TRIT1: variants seen among roughly 807,000 people sequenced by gnomAD.
TRIT1 encodes tRNA dimethylallyltransferase.
Under a neutral mutation model 51.2 loss-of-function variants are expected in TRIT1, and 43 were observed. The ratio of observed to expected loss-of-function variants is 0.84; its 90% CI spans 0.66 to 1.08. The LOEUF (loss-of-function observed/expected upper bound fraction) is 1.08, where lower values mean the gene tolerates loss of function less well. Among genes scored for constraint, TRIT1 ranks in the 50% least tolerant of loss-of-function variants. The probability of loss-of-function intolerance (pLI) is 0.00; values close to 1 mark genes in which losing one functional copy is unlikely to be tolerated. For missense variants in TRIT1, 528 were observed against 578.4 expected, an observed-to-expected ratio of 0.91 and a Z score of 0.89; for synonymous variants, 184 against 203.9, an observed-to-expected ratio of 0.90 and a Z score of 0.83.
intron 1 of TRIT1, among the ~76,000 whole-genome samples, chr1:39,859,677 C>G (rs897398211): frequency 1.3e-5 from 2 of 152,010 alleles, no homozygotes; most frequent in Non-Finnish European, 2.9e-5. Flanking sequence ...CTTTTTCTCA[C>G]AGCCCTTGGT....
rs202197910 is a variant in TRIT1, at chr1:39,883,485, A to T, written c.7T>A (p.Ser3Thr). 1 of 1,595,600 alleles carries T rather than the reference A, an allele frequency of 6.3e-7. No homozygotes were observed. MA[S>T]VAAARAVPVG... ...GGAACTGCTCGTGCAGCCGCCACGG[A>T]CGCCATCTTATGGCAGTCTGCGCTT... The change falls in exon 1 of 11, where the codon TCC (serine) becomes ACC (threonine). Residue 3 changes from serine to threonine, a missense_variant. By Grantham distance (58) the Ser-to-Thr change is moderately conservative (BLOSUM62 1). This residue lies in a region of TRIT1 where 55 missense variants were observed against 37.0 expected (regional missense o/e 1.49). Transcript: ENST00000316891.
At chr1:39,881,776 C>T (rs1644273720) in intron 1 of TRIT1, 1 of 152,190 alleles carries the variant, frequency 6.6e-6, no homozygotes, top group Admixed American at 6.5e-5. Flanking sequence ...CATACTAAGC[C>T]AGCCTTCGAT....
intron 1 of TRIT1, among the ~76,000 whole-genome samples, chr1:39,880,329 A>C (rs7523024): frequency 0.45 from 67,696 of 149,380 alleles, 15,876 homozygotes; most frequent in East Asian, 0.59. Context: ...CAATGCTTTG[A>C]AAATTTGAGT....
In TRIT1 at chr1:39,841,674, G is replaced by T; in HGVS notation, c.*70C>A. 6.7e-7 allele frequency: 1 copy of T among 1,483,470 alleles called. No homozygotes were observed. Among genetic ancestry groups the T allele is most frequent in the South Asian group, 1.4e-5 (1 of 73,510 alleles). The allele number at this position is 1,483,470 out of a possible 1,614,324, so 91.9% of individuals were successfully genotyped here. ...GCATAGCACTCCTTTGCCCAGACTG[G>T]GAGACAAACATACCCCTCCCTCCTG... On this transcript the variant is annotated 3_prime_UTR_variant, in exon 11 of 11. Transcript: ENST00000316891.
At chr1:39,859,740 T>C (rs182288903) in intron 1 of TRIT1, among the ~76,000 whole-genome samples, 222 of 152,332 alleles carry the variant, frequency 1.5e-3, no homozygotes, top group African/African-American at 2.6e-3. Flanking sequence ...AGAGCTCACA[T>C]AGCAACAACT....
chr1:39,868,886 C>T (rs1290733760), intron 1 of TRIT1, among the ~76,000 whole-genome samples: 1 of 151,890 alleles, frequency 6.6e-6, no homozygotes, highest in Non-Finnish European at 1.5e-5. Context: ...GTGGTGAAAC[C>T]CCGTCTCCAC....
chr1:39,847,511 A>C (rs1297493232), intron 7 of TRIT1, 37 bp downstream of exon 7: 1 of 1,604,680 alleles, frequency 6.2e-7, no homozygotes, highest in East Asian at 2.2e-5. Context: ...TGCCACCCAA[A>C]GATGTCCAAG....
intron 1 of TRIT1, among the ~76,000 whole-genome samples, chr1:39,881,374 T>C (rs1320994177): frequency 6.6e-6 from 1 of 152,186 alleles, no homozygotes; most frequent in Non-Finnish European, 1.5e-5. Context: ...ATTATACCAT[T>C]CTTGGATATT....
chr1:39,861,118 T>C (rs1450181822), intron 1 of TRIT1, among the ~76,000 whole-genome samples: 1 of 152,110 alleles, frequency 6.6e-6, no homozygotes, highest in Non-Finnish European at 1.5e-5. Flanking sequence ...ATAATGGCTA[T>C]TAGAAAAAGA....
At chr1:39,866,810 A>C (rs999759418) in intron 1 of TRIT1, among the ~76,000 whole-genome samples, 2 of 152,126 alleles carry the variant, frequency 1.3e-5, no homozygotes, top group African/African-American at 4.8e-5. Context: ...TGTCTACAAA[A>C]AAAACAAAAC....
At chr1:39,861,058 C>A (rs1043619496) in intron 1 of TRIT1, among the ~76,000 whole-genome samples, 1 of 152,038 alleles carries the variant, frequency 6.6e-6, no homozygotes, top group Non-Finnish European at 1.5e-5. Context: ...GCCTGGGCGA[C>A]GGAGCAAGAC....
intron 1 of TRIT1, among the ~76,000 whole-genome samples, chr1:39,857,704 G>T (rs1421508243): frequency 6.6e-6 from 1 of 152,182 alleles, no homozygotes; most frequent in Non-Finnish European, 1.5e-5. Context: ...AACGAATTCT[G>T]CATGGCCAGA....
intron 1 of TRIT1, chr1:39,863,063 A>T (rs2124638652): frequency 2.4e-6 from 1 of 416,794 alleles, no homozygotes; most frequent in African/African-American, 2.2e-5. Flanking sequence ...TCCAGGTTTA[A>T]TCCACTTCAT....
intron 1 of TRIT1, 76 bp downstream of exon 1, chr1:39,883,242 C>G: frequency 6.6e-7 from 1 of 1,507,684 alleles, no homozygotes; most frequent in South Asian, 1.2e-5. Context: ...GGGGTTCACC[C>G]TTTAAGACCT....
Position 39,844,566 on chromosome 1 carries a change from CA to C in TRIT1, c.1080del (p.Glu361AsnfsTer21). The C allele has an allele frequency of 6.2e-7, 1 of 1,614,006 alleles. No homozygotes were observed. The highest frequency in any genetic ancestry group is 8.5e-7 in the Non-Finnish European group (1 of 1,179,926). On this transcript the variant is annotated frameshift_variant, in exon 9 of 11. Transcript: ENST00000316891. LOFTEE classifies it high-confidence loss of function. Reference sequence around the variant, plus strand: ...CTTTGCACGATTTCAAGAGCAGGTTCAAGAACAGACTCTTCCCACTTCGAGA... The same window carrying C: ...CTTTGCACGATTTCAAGAGCAGGTTCAGAACAGACTCTTCCCACTTCGAGA... ...SDVSKWEESV[L>X]EPALEIVQSF...
chr1:39,859,889 G>A (rs978001832), intron 1 of TRIT1, among the ~76,000 whole-genome samples: 2 of 152,088 alleles, frequency 1.3e-5, no homozygotes, highest in Admixed American at 6.6e-5. Flanking sequence ...CCTCCAACAA[G>A]GACAAAATGT....
rs1038722158 is a variant in TRIT1, at chr1:39,840,665, C to T, written c.*1079G>A. Among the ~76,000 whole-genome samples, 1 of 152,152 alleles carries T rather than the reference C, an allele frequency of 6.6e-6. No homozygotes were observed. The highest frequency in any genetic ancestry group is 2.4e-5 in the African/African-American group (1 of 41,426). Reference sequence around the variant, plus strand: ...ATGGGGAGTTAACGCTTAAAGGGCACAAAGTTTGTTTGGAGTGACAAAAAC... The same window carrying T: ...ATGGGGAGTTAACGCTTAAAGGGCATAAAGTTTGTTTGGAGTGACAAAAAC... On this transcript the variant is annotated 3_prime_UTR_variant, in exon 11 of 11. Coordinates refer to ENST00000316891, the MANE Select transcript of TRIT1 (RefSeq NM_017646.6).
chr1:39,847,915 T>G, intron 6 of TRIT1, 71 bp downstream of exon 6: 1 of 1,445,712 alleles, frequency 6.9e-7, no homozygotes, highest in Non-Finnish European at 9.7e-7. Flanking sequence ...CCAAAGCCAG[T>G]ATTAGCGTTA....
intron 1 of TRIT1, among the ~76,000 whole-genome samples, chr1:39,866,440 G>A (rs911469261): frequency 4.5e-4 from 68 of 152,290 alleles, no homozygotes; most frequent in African/African-American, 1.6e-3. Context: ...GACACTCACT[G>A]GGAAGTTGAT....
Sources: gnomAD v4.1 joint callset for allele counts (sites outside exome capture counted in the v4.1 genomes callset) on GRCh38, gnomAD v4.1.1 for gene constraint, gnomAD v4.1.1 regional missense constraint, MANE v1.5 for transcripts, NCBI Gene and HGNC (gene_info 2026-07-23, HGNC 2026-07-21) for gene names.